Variants in TMEM220 observed in about 807,000 individuals in gnomAD.
TMEM220 encodes the protein transmembrane protein 220.
TMEM220 carries 21 observed loss-of-function variants against 21.7 expected under a neutral mutation model. The ratio of observed to expected loss-of-function variants is 0.97; its 90% CI spans 0.69 to 1.39. The LOEUF (loss-of-function observed/expected upper bound fraction) is 1.39. Ranked by LOEUF, TMEM220 falls within the 40% of genes most tolerant of loss-of-function variation. The probability of loss-of-function intolerance (pLI) is 0.00; values close to 1 mark genes in which losing one functional copy is unlikely to be tolerated. For synonymous variants in TMEM220, 80 were observed against 73.6 expected, an observed-to-expected ratio of 1.09 and a Z score of -0.45; for missense variants, 191 against 201.9, an observed-to-expected ratio of 0.95 and a Z score of 0.33.
chr17:10,728,931 A>G (rs1005256994), intron 2 of TMEM220, 100 bp downstream of exon 2: 107 of 1,302,882 alleles, frequency 8.2e-5, no homozygotes, highest in Non-Finnish European at 1.1e-4. Context: ...TTTCTCAGAA[A>G]ATTAAGCAGG....
intron 5 of TMEM220, chr17:10,716,060 T>A (rs404399): frequency 1.5e-6 from 1 of 682,760 alleles, no homozygotes; most frequent in South Asian, 1.5e-5. Context: ...CATGTCCACA[T>A]CAATATTCAG....
chr17:10,721,604 C>CAAAAAAAAAAA (rs1194075248), intron 5 of TMEM220, among the ~76,000 whole-genome samples: 11 of 35,518 alleles, frequency 3.1e-4, no homozygotes, highest in Admixed American at 6.5e-4. Context: ...GACTCTGTCT[C>CAAAAAAAAAAA]AAAAAAAAAA....
At chr17:10,729,472 T>C (rs2075094383) in intron 1 of TMEM220, among the ~76,000 whole-genome samples, 1 of 152,180 alleles carries the variant, frequency 6.6e-6, no homozygotes, top group Non-Finnish European at 1.5e-5. Flanking sequence ...ATGTTCAGTG[T>C]CGTCCGCGGG....
chr17:10,729,050 G>T lies in TMEM220; in HGVS notation c.83C>A (p.Pro28Gln). 1 of 1,614,134 alleles carries T rather than the reference G, an allele frequency of 6.2e-7. No individual in the cohort carries two copies. Among genetic ancestry groups the T allele is most frequent in the Non-Finnish European group, 8.5e-7 (1 of 1,180,020 alleles). Residue 28 changes from proline (P) to glutamine (Q), a missense_variant, in exon 2 of 6, where the codon CCA (proline) becomes CAA (glutamine). Transcript: ENST00000341871. ...ALAALVQVND[P>Q]DAEVWVVVYT... is the part of the protein sequence containing the mutation. Reference sequence around the variant, plus strand: ...ACTCACCACCCACACCTCTGCATCTGGGTCATTTACCTGGAACGCCAGAAT... The same window carrying T: ...ACTCACCACCCACACCTCTGCATCTTGGTCATTTACCTGGAACGCCAGAAT...
At position 10,713,920 on chromosome 17, in the gene TMEM220, C is replaced by G. The variant is rs1460160078; in HGVS notation, c.*1533G>C. 1 of 152,148 alleles carries G rather than the reference C, an allele frequency of 6.6e-6. No homozygotes were observed. Among genetic ancestry groups the G allele is most frequent in the Non-Finnish European group, 1.5e-5 (1 of 68,038 alleles). The allele number at this position is 152,148 out of a possible 1,614,324, so 9.4% of individuals were successfully genotyped here. On this transcript the variant is annotated 3_prime_UTR_variant, in exon 6 of 6. Transcript: ENST00000341871. ...TAACCTGTGGAAGGCACTACTCGTT[C>G]TTTTTGAGTGAAGTATTTCCCAGAT... is the stretch of plus-strand genomic sequence containing the variant.
intron 5 of TMEM220, among the ~76,000 whole-genome samples, 156 bp from the exon 6 acceptor site, chr17:10,715,744 A>G (rs1017958572): frequency 1.2e-4 from 19 of 152,206 alleles, no homozygotes; most frequent in African/African-American, 4.6e-4. Context: ...AATTATTTAT[A>G]TATATGCTAA....
At position 10,724,966 on chromosome 17, in the gene TMEM220, T is replaced by C. The variant is rs770320829; in HGVS notation, c.287+45A>G. On this transcript the variant is annotated intron_variant, in intron 4 of 5. Coordinates refer to ENST00000341871, the MANE Select transcript of TMEM220 (RefSeq NM_001004313.3). ...TGTTGCAAACACGATTCCTTAGTTC[T>C]ATCCCACAGTTCTATCCCTCCACAG... 4.3e-6 allele frequency: 7 copies of C among 1,612,678 alleles called. No individual in the cohort carries two copies. In the East Asian group the frequency reaches 8.9e-5, roughly 21 times the overall value.
rs756289872 is a variant in TMEM220, at chr17:10,729,843, T to C, written c.9A>G (p.Pro3=). 7.3e-7 allele frequency: 1 copy of C among 1,361,360 alleles called. No individual in the cohort carries two copies. The highest frequency in any genetic ancestry group is 1.7e-5 in the South Asian group (1 of 59,506). The allele number at this position is 1,361,360 out of a possible 1,614,324, so 84.3% of individuals were successfully genotyped here. A position where few individuals can be genotyped will look rare whatever the true frequency, so the allele number is the denominator to read the frequency against. The change falls in exon 1 of 6, where the codon CCA becomes CCG. Residue 3 remains proline (P), a synonymous_variant. Coordinates refer to ENST00000341871, the MANE Select transcript of TMEM220 (RefSeq NM_001004313.3). MA[P]ALWRACNGLM... is the part of the protein sequence containing the mutation. ...GTCCGTTGCAGGCCCGCCACAGCGC[T>C]GGCGCCATGGCTCGGAGAACACGGC...
intron 2 of TMEM220, among the ~76,000 whole-genome samples, chr17:10,727,196 G>GA (rs1255924442): frequency 6.6e-6 from 1 of 151,828 alleles, no homozygotes; most frequent in African/African-American, 2.4e-5. Context: ...TTGGAGATGG[G>GA]GGGGGTCTCG....
intron 5 of TMEM220, among the ~76,000 whole-genome samples, chr17:10,722,460 C>T (rs1448494060): frequency 6.6e-6 from 1 of 152,158 alleles, no homozygotes; most frequent in Non-Finnish European, 1.5e-5. Context: ...TTCCCCTTCT[C>T]CTGCCTTCTG....
intron 5 of TMEM220, among the ~76,000 whole-genome samples, chr17:10,720,219 C>T (rs1468371916): frequency 6.6e-6 from 1 of 152,122 alleles, no homozygotes; most frequent in Non-Finnish European, 1.5e-5. Flanking sequence ...GAATTTATCT[C>T]AAAGACACAC....
intron 1 of TMEM220, 61 bp from the exon 2 acceptor site, chr17:10,729,121 T>C: frequency 6.3e-7 from 1 of 1,590,578 alleles, no homozygotes; most frequent in Non-Finnish European, 8.6e-7. Flanking sequence ...TCCTTTTAAA[T>C]TCATTTAAGC....
intron 5 of TMEM220, among the ~76,000 whole-genome samples, chr17:10,719,870 C>A (rs1480263809): frequency 6.6e-6 from 1 of 152,044 alleles, no homozygotes; most frequent in Non-Finnish European, 1.5e-5. Flanking sequence ...ATAGAGAAGA[C>A]CAGCAACCTT....
At chr17:10,716,219 A>C in intron 5 of TMEM220, 1 of 871,530 alleles carries the variant, frequency 1.1e-6, no homozygotes, top group Admixed American at 1.8e-5. Flanking sequence ...GATGTTGTAA[A>C]AGAAATGTGT....
chr17:10,717,645 G>A (rs995108293), intron 5 of TMEM220, among the ~76,000 whole-genome samples: 31 of 152,108 alleles, frequency 2.0e-4, no homozygotes, highest in Admixed American at 1.6e-3. Context: ...TTCTTGTCAA[G>A]TTTTGGTTAC....
chr17:10,722,725 G>A (rs424811), intron 5 of TMEM220, among the ~76,000 whole-genome samples: 5 of 151,842 alleles, frequency 3.3e-5, no homozygotes, highest in African/African-American at 1.2e-4. Flanking sequence ...TCATTCTTTC[G>A]TGAATCTCTA....
At chr17:10,722,553 CT>C (rs2075004974) in intron 5 of TMEM220, among the ~76,000 whole-genome samples, 1 of 152,148 alleles carries the variant, frequency 6.6e-6, no homozygotes, top group Admixed American at 6.5e-5. Flanking sequence ...TAAATGGATA[CT>C]TTTATCTCTT....
intron 5 of TMEM220, chr17:10,716,405 G>A: frequency 1.5e-6 from 1 of 646,944 alleles, no homozygotes; most frequent in African/African-American, 1.8e-5. Context: ...TAATTGCTGT[G>A]TTGGCTTATC....
chr17:10,721,508 C>T (rs200531634), intron 5 of TMEM220, among the ~76,000 whole-genome samples: 7 of 146,458 alleles, frequency 4.8e-5, no homozygotes, highest in East Asian at 2.0e-4. Context: ...GGGAGGCTGA[C>T]GCAGGAGAAT....
Sources: allele counts gnomAD v4.1 joint callset (sites outside exome capture counted in the v4.1 genomes callset), GRCh38; gene constraint gnomAD v4.1.1; transcripts MANE v1.5; gene names NCBI Gene and HGNC (gene_info 2026-07-23, HGNC 2026-07-21).